ZFHX4: variants seen among roughly 807,000 people sequenced by gnomAD.
The protein encoded by ZFHX4 is zinc finger homeobox 4.
Under a neutral mutation model 267.6 loss-of-function variants are expected in ZFHX4, and 56 were observed. The ratio of observed to expected loss-of-function variants is 0.21; its 90% CI spans 0.17 to 0.26. The LOEUF is 0.26. Ranked by LOEUF, ZFHX4 falls within the 10% of genes least tolerant of loss-of-function variation. The probability of loss-of-function intolerance (pLI) is 1.00; values close to 1 mark genes in which losing one functional copy is unlikely to be tolerated. For synonymous variants in ZFHX4, 1,778 were observed against 1,665.6 expected (o/e 1.07, Z -1.64); for missense variants, 4,332 against 4,420.0 (o/e 0.98, Z 0.56).
chr8:76,765,505 T>G (rs1810029236), intron 3 of ZFHX4, among the ~76,000 whole-genome samples: 1 of 152,168 alleles, frequency 6.6e-6, no homozygotes, highest in African/African-American at 2.4e-5. Flanking sequence ...ATATATTGAA[T>G]GAAATAAATT....
chr8:76,746,385 G>A (rs1358472619), intron 3 of ZFHX4, among the ~76,000 whole-genome samples: 3 of 152,156 alleles, frequency 2.0e-5, no homozygotes, highest in Non-Finnish European at 4.4e-5. Flanking sequence ...TCCAGCCTGG[G>A]TGACAGAGTG....
chr8:76,838,793 T>C (rs1812156938), intron 5 of ZFHX4, among the ~76,000 whole-genome samples: 1 of 152,092 alleles, frequency 6.6e-6, no homozygotes, highest in Non-Finnish European at 1.5e-5. Flanking sequence ...CGGTGGCTCA[T>C]GCCTATAATC....
intron 7 of ZFHX4, 97 bp downstream of exon 7, chr8:76,849,225 T>C: frequency 7.4e-7 from 1 of 1,358,222 alleles, no homozygotes; most frequent in Non-Finnish European, 9.9e-7. Context: ...TTGAAATGTA[T>C]GTAGACATTG....
chr8:76,744,399 G>T (rs937849534), intron 3 of ZFHX4, among the ~76,000 whole-genome samples: 2 of 151,900 alleles, frequency 1.3e-5, no homozygotes, highest in Admixed American at 1.3e-4. Flanking sequence ...ATCAATTTAT[G>T]CCATACTTTC....
At chr8:76,748,183 C>T (rs552335905) in intron 3 of ZFHX4, among the ~76,000 whole-genome samples, 2 of 152,196 alleles carry the variant, frequency 1.3e-5, no homozygotes, top group South Asian at 4.1e-4. Context: ...ATATGGATGA[C>T]TCATAAGATC....
At chr8:76,733,961 T>C (rs75791630) in intron 3 of ZFHX4, among the ~76,000 whole-genome samples, 1,794 of 152,226 alleles carry the variant, frequency 0.012, 16 homozygotes, top group Non-Finnish European at 0.016. Context: ...TGATCACCTA[T>C]TAGAGGATAG....
chr8:76,719,365 T>C (rs773661995), intron 3 of ZFHX4, among the ~76,000 whole-genome samples: 3 of 152,044 alleles, frequency 2.0e-5, no homozygotes, highest in Non-Finnish European at 2.9e-5. Context: ...CCTTTGATGA[T>C]GTTGTGCAAG....
In ZFHX4 at chr8:76,854,061, A is replaced by C. The variant is rs1812629606; in HGVS notation, c.7140A>C (p.Ala2380=). ...CAGCTAAAAACGCTGCTGCCCCTGC[A>C]GCAAGTTCTGGCTCTGGGACCAGCA... is the stretch of plus-strand genomic sequence containing the variant. ...TDAAKNAAAP[A]ASSGSGTSTP... is the part of the protein sequence containing the mutation. The change falls in exon 10 of 11, where the codon GCA becomes GCC. Residue 2380 remains alanine (A), a synonymous_variant. Transcript: ENST00000651372. The C allele has an allele frequency of 1.2e-6, 2 of 1,613,978 alleles. No homozygotes were observed. The highest frequency in any genetic ancestry group is 1.7e-6 in the Non-Finnish European group (2 of 1,179,868).
chr8:76,802,463 A>G (rs1369420987), intron 4 of ZFHX4, among the ~76,000 whole-genome samples: 3 of 152,174 alleles, frequency 2.0e-5, no homozygotes, highest in Non-Finnish European at 4.4e-5. Context: ...AAAAAATTAC[A>G]TAATGCCTAC....
intron 3 of ZFHX4, among the ~76,000 whole-genome samples, chr8:76,776,635 C>T (rs1261072837): frequency 6.6e-6 from 1 of 152,104 alleles, no homozygotes; most frequent in Non-Finnish European, 1.5e-5. Context: ...GTTAAGTATG[C>T]AGAATTTATT....
chr8:76,708,599 G>T (rs1808342851), intron 3 of ZFHX4, among the ~76,000 whole-genome samples: 1 of 152,072 alleles, frequency 6.6e-6, no homozygotes, highest in Non-Finnish European at 1.5e-5. Flanking sequence ...TTGTTATTTT[G>T]TATGACTGTC....
intron 3 of ZFHX4, among the ~76,000 whole-genome samples, chr8:76,710,544 G>A (rs999440372): frequency 2.6e-5 from 4 of 152,186 alleles, no homozygotes; most frequent in Non-Finnish European, 4.4e-5. Context: ...TAGTTTCAGA[G>A]TTAGTGGCTA....
rs760226908 is a variant in ZFHX4, at chr8:76,705,211, T to C, written c.1123T>C (p.Leu375=). The part of the protein sequence containing the change: ...SAFHVENGDS[L]PAGFAFLKGS... The stretch of plus-strand genomic sequence containing the variant: ...TTTTCATGTTGAAAATGGTGACTCT[T>C]TGCCGGCTGGCTTTGCCTTCTTAAA... Residue 375 remains leucine (L), a synonymous_variant, in exon 2 of 11, where the codon TTG becomes CTG. Transcript: ENST00000651372. The C allele has an allele frequency of 1.9e-6, 3 of 1,613,910 alleles. No homozygotes were observed. The African/African-American group carries it at 4.0e-5, about 22-fold the overall frequency.
intron 1 of ZFHX4, among the ~76,000 whole-genome samples, chr8:76,682,059 G>A (rs1807545367): frequency 6.6e-6 from 1 of 152,088 alleles, no homozygotes; most frequent in Admixed American, 6.5e-5. Flanking sequence ...GCATTCTAGT[G>A]GCTGGGGGAA....
At chr8:76,818,055 C>A (rs561807086) in intron 4 of ZFHX4, among the ~76,000 whole-genome samples, 2 of 152,106 alleles carry the variant, frequency 1.3e-5, no homozygotes, top group Non-Finnish European at 2.9e-5. Flanking sequence ...AGGACAGAAT[C>A]AATGAACTTG....
Position 76,856,004 on chromosome 8 carries a change from C to T in ZFHX4, c.9083C>T (p.Ser3028Phe). The change falls in exon 10 of 11, where the codon TCC (serine) becomes TTC (phenylalanine). Residue 3028 changes from serine (S) to phenylalanine (F), a missense_variant. By Grantham distance (155) the Ser-to-Phe change is radical. Transcript: ENST00000651372. The stretch of plus-strand genomic sequence containing the variant: ...TTGTCCATCAGAGATCACATTTTCT[C>T]CAAACAGCACATTTCAAAAGTGAGG... ...ARLSIRDHIF[S>F]KQHISKVRET... The T allele has an allele frequency of 6.2e-7, 1 of 1,613,968 alleles. No homozygotes were observed. Among genetic ancestry groups the T allele is most frequent in the Non-Finnish European group, 8.5e-7 (1 of 1,179,874 alleles).
intron 1 of ZFHX4, among the ~76,000 whole-genome samples, chr8:76,690,355 G>T (rs1039407296): frequency 1.3e-5 from 2 of 151,966 alleles, no homozygotes; most frequent in Non-Finnish European, 2.9e-5. Flanking sequence ...AAAAACATAT[G>T]AGCTGGTGTA....
At position 76,855,308 on chromosome 8, in the gene ZFHX4, A is replaced by G. The variant is rs764782525; in HGVS notation, c.8387A>G (p.Asn2796Ser). The G allele has an allele frequency of 6.2e-7, 1 of 1,613,826 alleles. No individual in the cohort carries two copies. The highest frequency in any genetic ancestry group is 8.5e-7 in the Non-Finnish European group (1 of 1,179,856). The change falls in exon 10 of 11, where the codon AAT (asparagine) becomes AGT (serine). Residue 2796 changes from asparagine to serine, a missense_variant. This residue lies in a region of ZFHX4 where 1,648 missense variants were observed against 1,625.0 expected (regional missense o/e 1.01). Transcript: ENST00000651372. ...CCTGCTGAGGCTGGGTATGATCAAA[A>G]TAAAACCGATTTTGATGAGACTTCA... The part of the protein sequence containing the change: ...APPAEAGYDQ[N>S]KTDFDETSSI...
intron 5 of ZFHX4, among the ~76,000 whole-genome samples, chr8:76,834,985 T>G (rs1212384399): frequency 6.6e-6 from 1 of 151,282 alleles, no homozygotes; most frequent in East Asian, 1.9e-4. Flanking sequence ...TGTAGCTTCT[T>G]AAAGAATAAG....
Sources: gnomAD v4.1 joint callset for allele counts (sites outside exome capture counted in the v4.1 genomes callset) on GRCh38, gnomAD v4.1.1 for gene constraint, gnomAD v4.1.1 regional missense constraint, MANE v1.5 for transcripts, NCBI Gene and HGNC (gene_info 2026-07-23, HGNC 2026-07-21) for gene names.